The following SMIM14 variants were observed in gnomAD, a reference collection of about 807,000 sequenced individuals.
SMIM14 encodes the protein chromosome 4 open reading frame 34.
A neutral mutation model predicts 12.6 loss-of-function variants in SMIM14; 5 were observed. The observed-to-expected ratio is 0.40, with a 90% CI of 0.21 to 0.83. The LOEUF (loss-of-function observed/expected upper bound fraction) is 0.83. Among genes scored for constraint, SMIM14 ranks in the 40% least tolerant of loss-of-function variants. The pLI, the probability that SMIM14 is intolerant of heterozygous loss-of-function variation, is 0.37. For synonymous variants in SMIM14, 30 were observed against 40.1 expected (o/e 0.75, Z 0.95); for missense variants, 86 against 119.1 (o/e 0.72, Z 1.29).
In SMIM14 at chr4:39,546,722, A is replaced by T. The variant is rs1411384929; in HGVS notation, c.*5404T>A. On this transcript the variant is annotated 3_prime_UTR_variant, in exon 5 of 5. Transcript: ENST00000295958. The stretch of plus-strand genomic sequence containing the variant: ...TGACAATCTTTAGATTAAATCATAA[A>T]AAGTTGACTGTCTCCAAGAAATTGT... The T allele has an allele frequency of 6.6e-6, 1 of 152,274 alleles. No individual in the cohort carries two copies. The highest frequency in any genetic ancestry group is 2.4e-5 in the African/African-American group (1 of 41,484). The allele number at this position is 152,274 out of a possible 1,614,324, so 9.4% of individuals were successfully genotyped here. A position where few individuals can be genotyped will look rare whatever the true frequency, so the allele number is the denominator to read the frequency against.
At chr4:39,618,582 A>T (rs980888379) in intron 1 of SMIM14, among the ~76,000 whole-genome samples, 1 of 145,788 alleles carries the variant, frequency 6.9e-6, no homozygotes, top group Admixed American at 7.4e-5. Flanking sequence ...CCCAGGAGGC[A>T]GAGGTTGCAG....
chr4:39,564,668 A>C (rs1361244854), intron 3 of SMIM14, among the ~76,000 whole-genome samples: 1 of 152,194 alleles, frequency 6.6e-6, no homozygotes, highest in African/African-American at 2.4e-5. Context: ...CTTTTGTTTA[A>C]AGGATTCTAT....
chr4:39,604,538 AAATAAT>A (rs1053701127), intron 2 of SMIM14, among the ~76,000 whole-genome samples: 7 of 151,570 alleles, frequency 4.6e-5, no homozygotes, highest in Admixed American at 6.6e-5. Context: ...CTCCATCTCA[AAATAAT>A]AATAATAATA....
chr4:39,614,920 C>A (rs963906705), intron 1 of SMIM14, among the ~76,000 whole-genome samples: 5 of 152,130 alleles, frequency 3.3e-5, no homozygotes, highest in African/African-American at 9.7e-5. Flanking sequence ...TACAACCTTT[C>A]CTGGTAGGGA....
Position 39,559,024 on chromosome 4 carries a change from G to C in SMIM14, c.125-2454C>G, listed in dbSNP as rs1008910361. Among the ~76,000 whole-genome samples, 13 of 152,272 alleles carry C rather than the reference G, an allele frequency of 8.5e-5. No homozygotes were observed. The East Asian group carries it at 2.1e-3, about 25-fold the overall frequency. On this transcript the variant is annotated intron_variant, in intron 3 of 4. Transcript: ENST00000295958. The stretch of plus-strand genomic sequence containing the variant: ...CGCCTGGCTGCAGTTTCTTATAAAA[G>C]CATTTTGCATTCAGCTGTAACCAAG...
At chr4:39,579,506 T>C (rs927658883) in intron 2 of SMIM14, among the ~76,000 whole-genome samples, 3 of 150,884 alleles carry the variant, frequency 2.0e-5, no homozygotes, top group African/African-American at 4.9e-5. Context: ...GGGAAAAGTA[T>C]AGAATCTAAA....
At chr4:39,611,661 T>G (rs945529190) in intron 1 of SMIM14, among the ~76,000 whole-genome samples, 2 of 152,112 alleles carry the variant, frequency 1.3e-5, no homozygotes, top group Non-Finnish European at 2.9e-5. Flanking sequence ...AGACTCCATC[T>G]AAAAATAATA....
At chr4:39,605,258 T>C (rs1429591163) in intron 1 of SMIM14, 78 bp from the exon 2 acceptor site, 6 of 710,446 alleles carry the variant, frequency 8.4e-6, no homozygotes, top group Non-Finnish European at 1.4e-5. Flanking sequence ...AATTCTGATA[T>C]TGATTACATT....
At chr4:39,603,881 C>T (rs796732940) in intron 2 of SMIM14, among the ~76,000 whole-genome samples, 3 of 151,590 alleles carry the variant, frequency 2.0e-5, no homozygotes, top group African/African-American at 7.3e-5. Flanking sequence ...CATGGTGGTG[C>T]GCACCTGCAA....
chr4:39,587,825 T>G (rs73240613), intron 2 of SMIM14: 3,734 of 152,786 alleles, frequency 0.024, 64 homozygotes, highest in South Asian at 0.044. Flanking sequence ...TGCCCTCCTC[T>G]TGAACCTGGA....
At chr4:39,622,963 A>T (rs1715560549) in intron 1 of SMIM14, among the ~76,000 whole-genome samples, 1 of 152,234 alleles carries the variant, frequency 6.6e-6, no homozygotes, top group Admixed American at 6.5e-5. Flanking sequence ...AAGAGATGGC[A>T]GGGGAACGGT....
intron 2 of SMIM14, among the ~76,000 whole-genome samples, chr4:39,584,515 G>T (rs1713685185): frequency 1.3e-5 from 1 of 77,322 alleles, no homozygotes; most frequent in Admixed American, 1.4e-4. Flanking sequence ...AGACAAACAG[G>T]CTGGGCGCAG....
At chr4:39,612,686 G>A (rs887560749) in intron 1 of SMIM14, among the ~76,000 whole-genome samples, 4 of 152,110 alleles carry the variant, frequency 2.6e-5, no homozygotes, top group South Asian at 2.1e-4. Flanking sequence ...CTGCAGCCTC[G>A]ACTTGCCAGG....
At chr4:39,561,887 C>T (rs368918298) in intron 3 of SMIM14, among the ~76,000 whole-genome samples, 1 of 152,010 alleles carries the variant, frequency 6.6e-6, no homozygotes, top group Non-Finnish European at 1.5e-5. Context: ...GAGCCGAGAT[C>T]GTGCCACTGC....
chr4:39,564,150 CAG>C (rs1712458731), intron 3 of SMIM14, among the ~76,000 whole-genome samples: 1 of 152,178 alleles, frequency 6.6e-6, no homozygotes, highest in African/African-American at 2.4e-5. Context: ...GGCCCATCCT[CAG>C]AAGATTATTT....
intron 1 of SMIM14, among the ~76,000 whole-genome samples, chr4:39,627,174 T>C (rs924126045): frequency 2.0e-5 from 3 of 152,156 alleles, no homozygotes; most frequent in Non-Finnish European, 4.4e-5. Flanking sequence ...CTCATGATGA[T>C]GGCTCCACCC....
chr4:39,604,929 C>T, intron 2 of SMIM14, 142 bp downstream of exon 2: 1 of 622,490 alleles, frequency 1.6e-6, no homozygotes, highest in Non-Finnish European at 2.8e-6. Context: ...ATCATTACAA[C>T]TTAAACAAAT....
intron 1 of SMIM14, among the ~76,000 whole-genome samples, chr4:39,623,011 T>A (rs929188983): frequency 3.3e-5 from 5 of 152,214 alleles, no homozygotes; most frequent in Non-Finnish European, 7.3e-5. Context: ...CCAATCCTGA[T>A]TCAAACCAAC....
In SMIM14 at chr4:39,548,399, G is replaced by T. The variant is rs1747428661; in HGVS notation, c.*3727C>A. 6.7e-6 allele frequency: 1 copy of T among 148,694 alleles called. No individual in the cohort carries two copies. The highest frequency in any genetic ancestry group is 2.5e-5 in the African/African-American group (1 of 40,152). The allele number at this position is 148,694 out of a possible 1,614,324, so 9.2% of individuals were successfully genotyped here. A position where few individuals can be genotyped will look rare whatever the true frequency, so the allele number is the denominator to read the frequency against. On this transcript the variant is annotated 3_prime_UTR_variant, in exon 5 of 5. Coordinates refer to ENST00000295958, the MANE Select transcript of SMIM14 (RefSeq NM_174921.3). ...GGTAGAGACAGGGTCTTGCTATGTT[G>T]CCCAGGCTAGTCTCAAACTCCTGGG... is the stretch of plus-strand genomic sequence containing the variant.
Sources: allele counts gnomAD v4.1 joint callset (sites outside exome capture counted in the v4.1 genomes callset), GRCh38; gene constraint gnomAD v4.1.1; transcripts MANE v1.5; gene names NCBI Gene and HGNC (gene_info 2026-07-23, HGNC 2026-07-21).